ZNF518A: variants seen among roughly 807,000 people sequenced by gnomAD.
The protein encoded by ZNF518A is zinc finger protein 518A.
ZNF518A carries 47 observed loss-of-function variants against 102.7 expected under a neutral mutation model. The ratio of observed to expected loss-of-function variants is 0.46; its 90% CI spans 0.36 to 0.58. The LOEUF (loss-of-function observed/expected upper bound fraction) is 0.58. Ranked by LOEUF, ZNF518A falls within the 20% of genes least tolerant of loss-of-function variation. The pLI is 0.00. For missense variants in ZNF518A, 1,793 were observed against 1,699.8 expected (o/e 1.05, Z -0.96); for synonymous variants, 652 against 594.6 (o/e 1.10, Z -1.40).
downstream of ZNF518A, chr10:96,204,742 C>T: frequency 9.9e-6 from 8 of 809,034 alleles, no homozygotes; most frequent in East Asian, 2.8e-5. Flanking sequence ...GTCTTAGTTA[C>T]TGAGATGTCA....
At chr10:96,150,424 G>T (rs1173347622) in intron 3 of ZNF518A, among the ~76,000 whole-genome samples, 2 of 150,182 alleles carry the variant, frequency 1.3e-5, no homozygotes, top group Non-Finnish European at 3.0e-5. Context: ...CACCTTTTTG[G>T]ATAGCATTTC....
chr10:96,160,257 T>C lies in ZNF518A; in HGVS notation c.3935T>C (p.Phe1312Ser), dbSNP rs782030897. The C allele has an allele frequency of 1.9e-5, 30 of 1,613,326 alleles. No individual in the cohort carries two copies. Among genetic ancestry groups the C allele is most frequent in the Non-Finnish European group, 2.4e-5 (28 of 1,179,654 alleles). ...AAACCTGAAGATGTCCGTGAAACAT[T>C]TGGATTTAGCAGACCTAGGCTTTCA... ...KAKPEDVRET[F>S]GFSRPRLSKD... The change falls in exon 6 of 6, where the codon TTT becomes TCT. Residue 1312 changes from phenylalanine (F) to serine (S), a missense_variant. Phe to Ser is a radical substitution (Grantham distance 155). Coordinates refer to ENST00000316045, the MANE Select transcript of ZNF518A (RefSeq NM_001330736.2).
intron 3 of ZNF518A, among the ~76,000 whole-genome samples, chr10:96,148,153 G>A (rs2082255132): frequency 6.6e-6 from 1 of 151,804 alleles, no homozygotes; most frequent in African/African-American, 2.4e-5. Context: ...TAAATGTTTT[G>A]TCTTGGCCGG....
chr10:96,160,959 C>A lies in ZNF518A; in HGVS notation c.*185C>A, dbSNP rs2082976353. On this transcript the variant is annotated 3_prime_UTR_variant, in exon 6 of 6. Coordinates refer to ENST00000316045, the MANE Select transcript of ZNF518A (RefSeq NM_001330736.2). ...ATGATATTTGAAAATGCTATCCCTG[C>A]ACTCAAAAGTTTTGAAAGAAACTAA... 8.7e-6 allele frequency: 5 copies of A among 577,818 alleles called. No homozygotes were observed. The East Asian group carries it at 1.7e-4, about 20-fold the overall frequency. The allele number at this position is 577,818 out of a possible 1,614,324, so 35.8% of individuals were successfully genotyped here.
At chr10:96,164,280 C>A (rs1554889568), downstream of ZNF518A, among the ~76,000 whole-genome samples, 1 of 152,214 alleles carries the variant, frequency 6.6e-6, no homozygotes, top group Admixed American at 6.5e-5. Flanking sequence ...ACATCTACTT[C>A]CTTCCTTAAC....
Position 96,163,117 on chromosome 10 carries a change from A to G in ZNF518A, c.*2343A>G, listed in dbSNP as rs1311011770. ...TATAACATTACATTTCAGAATAGCC[A>G]TATCAGGAAAATAATGTCGAGATAT... On this transcript the variant is annotated 3_prime_UTR_variant, in exon 6 of 6. Transcript: ENST00000316045. 4 of 167,040 alleles carry G rather than the reference A, an allele frequency of 2.4e-5. No individual in the cohort carries two copies. Among genetic ancestry groups the G allele is most frequent in the Non-Finnish European group, 4.4e-5 (3 of 68,070 alleles). 10.3% of individuals were successfully genotyped at this position (167,040 alleles called of 1,614,324 possible). A position where few individuals can be genotyped will look rare whatever the true frequency, so the allele number is the denominator to read the frequency against.
chr10:96,167,688 A>C (rs1411530048), downstream of ZNF518A, among the ~76,000 whole-genome samples: 2 of 152,216 alleles, frequency 1.3e-5, no homozygotes, highest in African/African-American at 4.8e-5. Flanking sequence ...TTGATAGAGG[A>C]TATGCAATCT....
At chr10:96,187,678 A>G (rs2083280571) in intron 1 of ZNF518A, among the ~76,000 whole-genome samples, 1 of 152,232 alleles carries the variant, frequency 6.6e-6, no homozygotes, top group South Asian at 2.1e-4. Flanking sequence ...ACTTTTCAAC[A>G]GAAGACAAGA....
chr10:96,162,646 TTAATAA>T lies in ZNF518A; in HGVS notation c.*1874_*1879del, dbSNP rs1375357389. 1 of 166,220 alleles carries T rather than the reference TTAATAA, an allele frequency of 6.0e-6. No individual in the cohort carries two copies. Among genetic ancestry groups the T allele is most frequent in the Non-Finnish European group, 1.5e-5 (1 of 68,014 alleles). 10.3% of individuals were successfully genotyped at this position (166,220 alleles called of 1,614,324 possible). ...GTTAATTGGAAATATACAGTATATA[TTAATAA>T]TGTACATGGTGTTTAAAGAATGGTA... On this transcript the variant is annotated 3_prime_UTR_variant, in exon 6 of 6. Transcript: ENST00000316045.
At chr10:96,198,376 T>C (rs1489803546) in intron 1 of ZNF518A, among the ~76,000 whole-genome samples, 2 of 152,204 alleles carry the variant, frequency 1.3e-5, no homozygotes, top group East Asian at 1.9e-4. Context: ...AGAAAACTTA[T>C]TGGATATAAG....
At chr10:96,142,668 C>T (rs1466407275) in intron 3 of ZNF518A, among the ~76,000 whole-genome samples, 2 of 151,948 alleles carry the variant, frequency 1.3e-5, no homozygotes, top group African/African-American at 4.8e-5. Flanking sequence ...ATGCCTTTGA[C>T]TTTTAATTAT....
At chr10:96,132,152 C>G (rs1554872212) in intron 1 of ZNF518A, among the ~76,000 whole-genome samples, 2 of 151,256 alleles carry the variant, frequency 1.3e-5, no homozygotes, top group African/African-American at 2.4e-5. Flanking sequence ...TATTTATTAT[C>G]TGGTCCCAGG....
chr10:96,167,521 T>A (rs2083148783), downstream of ZNF518A, among the ~76,000 whole-genome samples: 1 of 152,136 alleles, frequency 6.6e-6, no homozygotes, highest in African/African-American at 2.4e-5. Flanking sequence ...TATTCTAATG[T>A]CTCACCAAGT....
At chr10:96,134,955 G>A (rs1377556035) in intron 3 of ZNF518A, among the ~76,000 whole-genome samples, 2 of 152,160 alleles carry the variant, frequency 1.3e-5, no homozygotes, top group African/African-American at 2.4e-5. Flanking sequence ...TGTCAACTCA[G>A]TATCTCTTCA....
At chr10:96,185,210 T>C (rs2083264819) in intron 1 of ZNF518A, among the ~76,000 whole-genome samples, 1 of 152,242 alleles carries the variant, frequency 6.6e-6, no homozygotes, top group African/African-American at 2.4e-5. Context: ...GTCTAATCTT[T>C]TTTCAAGGTT....
rs2083338979 is a variant in ZNF518A at position 96,192,029 on chromosome 10, T to C, written n.36-11545T>C. On this transcript the variant is annotated intron_variant and non_coding_transcript_variant, in intron 1 of 2. Transcript: ENST00000442635. ...GTGGAATCTTTTGTGTTATTCTGAC[T>C]GTCAATAAGAACCAAAGGACTATGT... 1.9e-6 allele frequency: 3 copies of C among 1,613,808 alleles called. No homozygotes were observed. The highest frequency in any genetic ancestry group is 2.5e-6 in the Non-Finnish European group (3 of 1,179,800).
chr10:96,180,803 G>A (rs1424005472), intron 1 of ZNF518A, among the ~76,000 whole-genome samples: 4 of 152,082 alleles, frequency 2.6e-5, no homozygotes, highest in African/African-American at 7.2e-5. Context: ...CGCAATAAAC[G>A]TACATGTGCA....
At chr10:96,189,416 G>A (rs1351384473) in intron 1 of ZNF518A, 3 of 599,524 alleles carry the variant, frequency 5.0e-6, no homozygotes, top group East Asian at 8.0e-5. Context: ...CAGTTGTCCG[G>A]AAGCAATTCT....
At chr10:96,169,414 C>T (rs927456393) in intron 1 of ZNF518A, among the ~76,000 whole-genome samples, 1 of 152,194 alleles carries the variant, frequency 6.6e-6, no homozygotes, top group Non-Finnish European at 1.5e-5. Flanking sequence ...TTAGAGTTCA[C>T]AGATTCTTTG....
Sources: allele counts gnomAD v4.1 joint callset (sites outside exome capture counted in the v4.1 genomes callset), GRCh38; gene constraint gnomAD v4.1.1; transcripts MANE v1.5; gene names NCBI Gene and HGNC (gene_info 2026-07-23, HGNC 2026-07-21).